Variants in LSP1 observed in about 807,000 individuals in gnomAD.
The protein encoded by LSP1 is lymphocyte-specific protein 1.
A neutral mutation model predicts 49.3 loss-of-function variants in LSP1; 32 were observed. The ratio of observed to expected loss-of-function variants is 0.65; its 90% CI spans 0.49 to 0.87. LSP1 has a LOEUF of 0.87. Ranked by LOEUF, LSP1 falls within the 40% of genes least tolerant of loss-of-function variation. LSP1 has a pLI of 0.00. For missense variants in LSP1, 428 were observed against 442.6 expected (o/e 0.97, Z 0.30); for synonymous variants, 179 against 178.8 (o/e 1.00, Z -0.01).
intron 3 of LSP1, 151 bp from the exon 4 acceptor site, chr11:1,883,268 C>T: frequency 1.0e-6 from 1 of 961,910 alleles, no homozygotes; most frequent in South Asian, 1.6e-5. Flanking sequence ...GACCTTCTTT[C>T]CCAATGGGCT....
At chr11:1,861,739 ATTGGTGGATGAG>A (rs1847638445) in intron 1 of LSP1, among the ~76,000 whole-genome samples, 1 of 68,742 alleles carries the variant, frequency 1.5e-5, no homozygotes, top group African/African-American at 5.4e-5. Context: ...GGATGGATGG[ATTGGTGGATGAG>A]TGGATGAGTG....
rs1439990212 is a variant in LSP1, at chr11:1,884,599, T to A, written c.717+18T>A. The A allele has an allele frequency of 1.2e-6, 2 of 1,608,482 alleles. No homozygotes were observed. The highest frequency in any genetic ancestry group is 1.7e-5 in the Admixed American group (1 of 59,954). On this transcript the variant is annotated intron_variant, in intron 7 of 10. Coordinates refer to ENST00000311604, the MANE Select transcript of LSP1 (RefSeq NM_002339.3). This position sits in a 1 kb window ranked among gnomAD's most constrained non-coding sequence, Gnocchi z 4.1. ...CCATCGAGGTATGACCTGGCTCCCC[T>A]CTGCTGTCAGGTCCCTCCTGCATCC...
At chr11:1,886,471 C>G (rs552123244) in intron 7 of LSP1, among the ~76,000 whole-genome samples, 1 of 152,360 alleles carries the variant, frequency 6.6e-6, no homozygotes, top group East Asian at 1.9e-4. Context: ...CAGCCCTACC[C>G]CATGAGGAGC....
At chr11:1,889,255 G>C in intron 10 of LSP1, 1 of 677,034 alleles carries the variant, frequency 1.5e-6, no homozygotes, top group Middle Eastern at 2.4e-4. Flanking sequence ...TGCAGCTTCC[G>C]GGCGTTGAAG....
chr11:1,864,176 C>T (rs572490916), intron 1 of LSP1: 42 of 983,628 alleles, frequency 4.3e-5, no homozygotes, highest in African/African-American at 3.2e-4. Context: ...GAGTGCGAGA[C>T]GGGGAAGGAG....
chr11:1,887,850 C>G (rs1848822316), intron 10 of LSP1, among the ~76,000 whole-genome samples: 1 of 152,190 alleles, frequency 6.6e-6, no homozygotes, highest in Non-Finnish European at 1.5e-5. Flanking sequence ...TCTGGGACTC[C>G]CCAAAAGCCA....
intron 3 of LSP1, 56 bp from the exon 4 acceptor site, chr11:1,883,363 G>A: frequency 1.3e-6 from 2 of 1,595,978 alleles, no homozygotes; most frequent in Non-Finnish European, 1.7e-6. Context: ...AAAGGAAGGG[G>A]TCAACCAAGC....
At chr11:1,876,594 G>A (rs1166250497) in intron 1 of LSP1, 9 of 985,480 alleles carry the variant, frequency 9.1e-6, no homozygotes, top group African/African-American at 1.7e-5. Flanking sequence ...GAGTCGGGAC[G>A]GGGACCGAGC....
At chr11:1,870,968 G>A (rs528476826) in intron 1 of LSP1, 1 of 985,874 alleles carries the variant, frequency 1.0e-6, no homozygotes, top group African/African-American at 1.7e-5. Context: ...GGCTGTCGGT[G>A]GACCTGTAGG....
chr11:1,887,134 G>GC (rs1334735471), intron 8 of LSP1, 103 bp from the exon 9 acceptor site: 19 of 1,149,162 alleles, frequency 1.7e-5, no homozygotes, highest in Non-Finnish European at 2.1e-5. Flanking sequence ...CAGATCCCAG[G>GC]CCCCCTGGCC....
At chr11:1,881,096 T>C in intron 2 of LSP1, 1 of 249,234 alleles carries the variant, frequency 4.0e-6, no homozygotes, top group Admixed American at 5.3e-5. Flanking sequence ...AGGCACAGCC[T>C]TACCCTCAGG....
At chr11:1,871,038 A>T (rs1847976901) in intron 1 of LSP1, 19 of 985,436 alleles carry the variant, frequency 1.9e-5, no homozygotes, top group Non-Finnish European at 2.2e-5. Context: ...CTGCATGTAG[A>T]CGCATGCGAG....
intron 1 of LSP1, among the ~76,000 whole-genome samples, chr11:1,874,698 C>T (rs1848234166): frequency 6.6e-6 from 1 of 152,172 alleles, no homozygotes; most frequent in African/African-American, 2.4e-5. Context: ...CGGCAGCCCC[C>T]AGGCCACTGA....
chr11:1,879,311 CT>C (rs1179458162), intron 1 of LSP1, among the ~76,000 whole-genome samples: 1 of 152,206 alleles, frequency 6.6e-6, no homozygotes, highest in African/African-American at 2.4e-5. Context: ...CACCATTGCA[CT>C]CCAGCCTGGG....
chr11:1,853,255 T>C, intron 1 of LSP1, 58 bp downstream of exon 1: 3 of 1,552,634 alleles, frequency 1.9e-6, no homozygotes, highest in Non-Finnish European at 2.6e-6. Flanking sequence ...GCATAGTCCT[T>C]GAGCTGCATG....
chr11:1,858,471 C>T (rs553611609), intron 1 of LSP1, among the ~76,000 whole-genome samples: 6 of 152,336 alleles, frequency 3.9e-5, no homozygotes, highest in Middle Eastern at 3.4e-3. Context: ...AGCCCAGCCC[C>T]GCCCAAATCC....
At position 1,886,718 on chromosome 11, in the gene LSP1, T is replaced by C. The variant is rs1848766363; in HGVS notation, c.718-14T>C. The C allele has an allele frequency of 2.5e-6, 4 of 1,600,050 alleles. No individual in the cohort carries two copies. Among genetic ancestry groups the C allele is most frequent in the Non-Finnish European group, 3.4e-6 (4 of 1,171,764 alleles). On this transcript the variant is annotated splice_polypyrimidine_tract_variant and intron_variant, in intron 7 of 10. Coordinates refer to ENST00000311604, the MANE Select transcript of LSP1 (RefSeq NM_002339.3). ...GTCCACTAAGGTAATCCTGATGCTT[T>C]TCCTCCTCTGCAGACCGCTGGCCGG... is the stretch of plus-strand genomic sequence containing the variant.
chr11:1,877,433 C>T (rs1848358060), intron 1 of LSP1, among the ~76,000 whole-genome samples: 1 of 152,172 alleles, frequency 6.6e-6, no homozygotes, highest in African/African-American at 2.4e-5. Flanking sequence ...TCTGCATCCC[C>T]TACTCTGTCC....
chr11:1,860,955 TG>T (rs1847614304), intron 1 of LSP1, among the ~76,000 whole-genome samples: 1 of 152,120 alleles, frequency 6.6e-6, no homozygotes, highest in African/African-American at 2.4e-5. Flanking sequence ...GGATAATAGA[TG>T]AATAGATGGA....
Sources: gnomAD v4.1 joint callset for allele counts (sites outside exome capture counted in the v4.1 genomes callset) on GRCh38, gnomAD v4.1.1 for gene constraint, Gnocchi (gnomAD v3.1) non-coding constraint, MANE v1.5 for transcripts, NCBI Gene and HGNC (gene_info 2026-07-23, HGNC 2026-07-21) for gene names.